Variants in LARGE1 observed in about 807,000 individuals in gnomAD.
LARGE1 encodes xylosyl- and glucuronyltransferase LARGE1.
A neutral mutation model predicts 87.6 loss-of-function variants in LARGE1; 43 were observed. That is an observed-to-expected ratio of 0.49 (90% CI 0.38 to 0.63). The LOEUF (loss-of-function observed/expected upper bound fraction) is 0.63, where lower values mean the gene tolerates loss of function less well. LARGE1 is among the 30% of genes least tolerant of loss of function. The probability of loss-of-function intolerance (pLI) is 0.00; values close to 1 mark genes in which losing one functional copy is unlikely to be tolerated. For synonymous variants in LARGE1, 434 were observed against 394.6 expected (o/e 1.10, Z -1.18); for missense variants, 802 against 1,000.2 (o/e 0.80, Z 2.67).
chr22:33,919,820 T>C (rs1410133465), intron 1 of LARGE1, among the ~76,000 whole-genome samples, 175 bp downstream of exon 1: 1 of 152,142 alleles, frequency 6.6e-6, no homozygotes, highest in Non-Finnish European at 1.5e-5. Context: ...CTTCGGAGAC[T>C]GGGGGCTTCC....
chr22:33,083,089 T>C, the LARGE1 span, among the ~76,000 whole-genome samples: 1 of 152,152 alleles, frequency 6.6e-6, no homozygotes, highest in Admixed American at 6.5e-5. Context: ...AATATATCAT[T>C]TCTAATATCA....
chr22:33,586,446 A>G (rs1258643739), intron 5 of LARGE1, among the ~76,000 whole-genome samples: 1 of 147,032 alleles, frequency 6.8e-6, no homozygotes, highest in African/African-American at 2.5e-5. Flanking sequence ...CAGGGAGAAC[A>G]ACAAGATTTC....
intron 1 of LARGE1, among the ~76,000 whole-genome samples, chr22:33,816,594 G>C (rs2086652923): frequency 1.3e-5 from 2 of 152,048 alleles, no homozygotes; most frequent in Admixed American, 6.6e-5. Context: ...AATTCTGAGG[G>C]GGTGTAAACA....
At chr22:33,658,114 G>C (rs575927732) in intron 2 of LARGE1, among the ~76,000 whole-genome samples, 77 of 152,174 alleles carry the variant, frequency 5.1e-4, no homozygotes, top group African/African-American at 1.4e-3. Context: ...CTAATTTGTG[G>C]TTGCGGTTGT....
At chr22:33,817,770 T>C (rs2086699185) in intron 1 of LARGE1, among the ~76,000 whole-genome samples, 1 of 152,204 alleles carries the variant, frequency 6.6e-6, no homozygotes, top group Non-Finnish European at 1.5e-5. Flanking sequence ...ACACCTTCTG[T>C]TGGCAAATGC....
chr22:33,565,250 T>G (rs1006068313), intron 5 of LARGE1, among the ~76,000 whole-genome samples: 1 of 152,182 alleles, frequency 6.6e-6, no homozygotes, highest in Admixed American at 6.5e-5. Flanking sequence ...GTAATAGTTA[T>G]GAAATAATTA....
At chr22:33,564,743 G>T (rs757969675) in intron 6 of LARGE1, 105 bp downstream of exon 6, 1 of 1,133,472 alleles carries the variant, frequency 8.8e-7, no homozygotes, top group Non-Finnish European at 1.3e-6. Flanking sequence ...GCATTAGCAC[G>T]ACCTCATTCG....
At chr22:33,875,198 A>G (rs2064426059) in intron 1 of LARGE1, among the ~76,000 whole-genome samples, 1 of 152,194 alleles carries the variant, frequency 6.6e-6, no homozygotes. Context: ...GAGCCAGGGC[A>G]CTGACCCTCG....
At chr22:33,843,450 A>T (rs1009301091) in intron 1 of LARGE1, among the ~76,000 whole-genome samples, 3 of 151,274 alleles carry the variant, frequency 2.0e-5, no homozygotes, top group Admixed American at 2.0e-4. Context: ...AAAATAAATA[A>T]ATAAATAAAT....
Position 33,369,631 on chromosome 22 carries a change from C to T in LARGE1, c.1131+12288G>A, listed in dbSNP as rs561967454. On this transcript the variant is annotated intron_variant, in intron 9 of 14. Coordinates refer to ENST00000397394, the MANE Select transcript of LARGE1 (RefSeq NM_133642.5). The stretch of plus-strand genomic sequence containing the variant: ...CCAGACTGGAGTGCGGTGGCACGAT[C>T]TAGGCTCACTGCAACCTCTGCCTCC... Among the ~76,000 whole-genome samples, 31 of 152,316 alleles carry T rather than the reference C, an allele frequency of 2.0e-4. 1 individual carries two copies. The East Asian group carries it at 5.8e-3, about 28-fold the overall frequency.
rs569547439 is a variant in LARGE1 at position 33,536,961 on chromosome 22, G to A, written c.787+27887C>T. 3.3e-5 allele frequency among the ~76,000 whole-genome samples: 5 copies of A among 152,246 alleles called. No homozygotes were observed. In the South Asian group the frequency reaches 8.3e-4, roughly 25 times the overall value. ...TGAGTAGCTAGGATTACAGGCATGCGCCACCACGCCTGGCTAATTTTGTAT... is the reference window on the plus strand; with the variant it reads ...TGAGTAGCTAGGATTACAGGCATGCACCACCACGCCTGGCTAATTTTGTAT... On this transcript the variant is annotated intron_variant, in intron 6 of 14. Coordinates refer to ENST00000397394, the MANE Select transcript of LARGE1 (RefSeq NM_133642.5).
intron 2 of LARGE1, among the ~76,000 whole-genome samples, chr22:33,671,488 G>A (rs2081411003): frequency 6.6e-6 from 1 of 152,178 alleles, no homozygotes. Context: ...CTACAGCAAA[G>A]TTGAGTCCTG....
chr22:33,163,170 C>G (rs1332216225), exon 12 of LARGE1: 3 of 152,232 alleles, frequency 2.0e-5, no homozygotes, highest in Non-Finnish European at 4.4e-5. Flanking sequence ...ATCCTTAACA[C>G]AGTCGTCTTG....
intron 11 of LARGE1, among the ~76,000 whole-genome samples, chr22:33,306,488 C>A (rs1934946866): frequency 6.6e-6 from 1 of 152,224 alleles, no homozygotes; most frequent in Admixed American, 6.5e-5. Context: ...TTGGTTTTTG[C>A]CTCTGTGTCT....
chr22:33,103,007 C>T, the LARGE1 span, among the ~76,000 whole-genome samples: 1 of 152,102 alleles, frequency 6.6e-6, no homozygotes, highest in South Asian at 2.1e-4. Flanking sequence ...TTTTGGACGT[C>T]CCCTAGGATC....
At chr22:33,271,693 A>C (rs1928254598), downstream of LARGE1, among the ~76,000 whole-genome samples, 1 of 152,248 alleles carries the variant, frequency 6.6e-6, no homozygotes, top group South Asian at 2.1e-4. Context: ...ACAGCTCCCC[A>C]CACATAAGCT....
chr22:33,702,008 T>C (rs1432008555), intron 2 of LARGE1, among the ~76,000 whole-genome samples: 1 of 152,162 alleles, frequency 6.6e-6, no homozygotes, highest in Non-Finnish European at 1.5e-5. Context: ...TCCTCTGTCA[T>C]AAAAACCTGT....
intron 11 of LARGE1, among the ~76,000 whole-genome samples, chr22:33,310,116 G>C (rs1169636842): frequency 6.6e-6 from 1 of 152,162 alleles, no homozygotes; most frequent in Non-Finnish European, 1.5e-5. Flanking sequence ...TCTGGTTCAG[G>C]AGGTCTGGGG....
chr22:33,681,428 A>G (rs1394657788), intron 2 of LARGE1, among the ~76,000 whole-genome samples: 5 of 152,172 alleles, frequency 3.3e-5, no homozygotes, highest in African/African-American at 9.6e-5. Context: ...CCTTAGGTTC[A>G]TGACTTAAGA....
Sources: allele counts gnomAD v4.1 joint callset (sites outside exome capture counted in the v4.1 genomes callset), GRCh38; gene constraint gnomAD v4.1.1; transcripts MANE v1.5; gene names NCBI Gene and HGNC (gene_info 2026-07-23, HGNC 2026-07-21).